Variants in SDK1 observed in about 807,000 individuals in gnomAD.
SDK1 encodes protein sidekick-1.
Under a neutral mutation model 245.5 loss-of-function variants are expected in SDK1, and 157 were observed. That is an observed-to-expected ratio of 0.64 (90% confidence interval 0.56 to 0.73). The LOEUF (loss-of-function observed/expected upper bound fraction) is 0.73, where lower values mean the gene tolerates loss of function less well. SDK1 is among the 30% of genes least tolerant of loss of function. The pLI is 0.00. For synonymous variants in SDK1, 1,647 were observed against 1,278.5 expected, an observed-to-expected ratio of 1.29 and a Z score of -6.15; for missense variants, 3,583 against 3,002.3, an observed-to-expected ratio of 1.19 and a Z score of -4.52.
chr7:3,913,839 T>C (rs532069840), intron 5 of SDK1, among the ~76,000 whole-genome samples: 1 of 152,308 alleles, frequency 6.6e-6, no homozygotes, highest in South Asian at 2.1e-4. Flanking sequence ...CATTTTCTCT[T>C]TATTTTTTGC....
At chr7:3,701,449 T>C (rs2115007369) in intron 4 of SDK1, among the ~76,000 whole-genome samples, 1 of 152,114 alleles carries the variant, frequency 6.6e-6, no homozygotes, top group East Asian at 1.9e-4. Flanking sequence ...GAAAAGATTG[T>C]TCTAGTTGGG....
intron 4 of SDK1, among the ~76,000 whole-genome samples, chr7:3,742,287 T>C (rs570456260): frequency 1.3e-5 from 2 of 152,098 alleles, no homozygotes; most frequent in Non-Finnish European, 1.5e-5. Context: ...ACAGATTACA[T>C]TGAGCTGAAA....
chr7:4,043,063 G>A (rs914285191), intron 17 of SDK1, among the ~76,000 whole-genome samples: 1 of 152,230 alleles, frequency 6.6e-6, no homozygotes, highest in Middle Eastern at 3.4e-3. Context: ...GTGCCCACAG[G>A]TCAGGCTCCG....
chr7:3,405,915 T>C (rs2009182), intron 1 of SDK1, among the ~76,000 whole-genome samples: 114,491 of 150,720 alleles, frequency 0.76, 43,711 homozygotes, highest in South Asian at 0.85. Flanking sequence ...CAGGTTCAAG[T>C]GATTCTTCTG....
At chr7:3,867,593 A>G (rs1233771115) in intron 5 of SDK1, among the ~76,000 whole-genome samples, 1 of 152,168 alleles carries the variant, frequency 6.6e-6, no homozygotes, top group Non-Finnish European at 1.5e-5. Context: ...TTATAAAACC[A>G]TCAGATCTCG....
chr7:3,626,494 G>A (rs145410938), intron 2 of SDK1, among the ~76,000 whole-genome samples: 1 of 152,336 alleles, frequency 6.6e-6, no homozygotes, highest in East Asian at 1.9e-4. Context: ...ATAACTCTCA[G>A]CCTGCTCTTC....
At chr7:4,212,230 T>A (rs1784549239) in intron 38 of SDK1, among the ~76,000 whole-genome samples, 2 of 152,320 alleles carry the variant, frequency 1.3e-5, no homozygotes, top group African/African-American at 4.8e-5. Context: ...CGGAGTTGAT[T>A]TGATGAAGAA....
At chr7:3,805,506 G>A (rs887301475) in intron 4 of SDK1, among the ~76,000 whole-genome samples, 1 of 152,100 alleles carries the variant, frequency 6.6e-6, no homozygotes, top group East Asian at 1.9e-4. Flanking sequence ...TACTTTTTCT[G>A]CCCTGACCTA....
At chr7:3,683,777 G>C (rs74755788) in intron 4 of SDK1, among the ~76,000 whole-genome samples, 1,744 of 152,282 alleles carry the variant, frequency 0.011, 20 homozygotes, top group Middle Eastern at 0.027. Flanking sequence ...GCATTACACG[G>C]CACATGTCCT....
intron 4 of SDK1, among the ~76,000 whole-genome samples, chr7:3,703,426 T>A (rs966883508): frequency 2.0e-5 from 3 of 152,194 alleles, no homozygotes; most frequent in Non-Finnish European, 4.4e-5. Flanking sequence ...ATTATATAGT[T>A]GAACTAACTA....
intron 1 of SDK1, among the ~76,000 whole-genome samples, chr7:3,580,224 A>G (rs1457620848): frequency 6.6e-6 from 1 of 152,242 alleles, no homozygotes; most frequent in Non-Finnish European, 1.5e-5. Context: ...TACCCAAAGC[A>G]GTATACAGAT....
rs188470192 is a variant in SDK1 at position 3,509,188 on chromosome 7, A to T, written c.299-109892A>T. Among the ~76,000 whole-genome samples, 128 of 152,246 alleles carry T rather than the reference A, an allele frequency of 8.4e-4. 1 individual carries two copies. Among genetic ancestry groups the T allele is most frequent in the African/African-American group, 2.9e-3 (120 of 41,538 alleles). ...ATTAAGTAAGATTAAGTTGTGTTAG[A>T]CAATGGAGTCTTACACAGTGACTTG... On this transcript the variant is annotated intron_variant, in intron 1 of 44. Coordinates refer to ENST00000404826, the MANE Select transcript of SDK1 (RefSeq NM_152744.4).
chr7:3,816,059 C>T (rs1173956087), intron 4 of SDK1, among the ~76,000 whole-genome samples: 7 of 140,760 alleles, frequency 5.0e-5, no homozygotes, highest in Admixed American at 2.9e-4. Flanking sequence ...AGAACAAAGA[C>T]ACAACATACC....
At chr7:3,838,381 A>C (rs191244533) in intron 5 of SDK1, among the ~76,000 whole-genome samples, 16 of 152,186 alleles carry the variant, frequency 1.1e-4, no homozygotes, top group African/African-American at 3.9e-4. Flanking sequence ...CATCAGTGGG[A>C]ATTGGAAGGT....
intron 1 of SDK1, among the ~76,000 whole-genome samples, chr7:3,503,192 T>G (rs1288708492): frequency 6.6e-6 from 1 of 152,190 alleles, no homozygotes; most frequent in African/African-American, 2.4e-5. Flanking sequence ...TTCAAGGTTT[T>G]TAAGAATTTG....
At chr7:3,567,523 C>T (rs1000047127) in intron 1 of SDK1, among the ~76,000 whole-genome samples, 5 of 152,142 alleles carry the variant, frequency 3.3e-5, no homozygotes, top group African/African-American at 1.2e-4. Flanking sequence ...TAGAAAACTA[C>T]CACAGTAAAT....
At chr7:3,311,676 A>C (rs1322765116) in intron 1 of SDK1, among the ~76,000 whole-genome samples, 1 of 152,208 alleles carries the variant, frequency 6.6e-6, no homozygotes, top group Non-Finnish European at 1.5e-5. Flanking sequence ...CGACTCGTGG[A>C]GGCTTCTAGC....
chr7:3,918,185 A>T (rs1052119560), intron 5 of SDK1, among the ~76,000 whole-genome samples: 3 of 152,002 alleles, frequency 2.0e-5, no homozygotes, highest in African/African-American at 7.2e-5. Flanking sequence ...TTCCCTCTCA[A>T]CACCGCGGTA....
At chr7:3,985,850 C>T (rs78264975) in intron 13 of SDK1, among the ~76,000 whole-genome samples, 1,808 of 152,232 alleles carry the variant, frequency 0.012, 42 homozygotes, top group African/African-American at 0.042. Context: ...TAATAAATTT[C>T]AAAATGTAAT....
Sources: allele counts gnomAD v4.1 joint callset (sites outside exome capture counted in the v4.1 genomes callset), GRCh38; gene constraint gnomAD v4.1.1; transcripts MANE v1.5; gene names NCBI Gene and HGNC (gene_info 2026-07-23, HGNC 2026-07-21).